The following DPP10 variants were observed in gnomAD, a reference collection of about 807,000 sequenced individuals.
DPP10 encodes inactive dipeptidyl peptidase 10.
Under a neutral mutation model 120.9 loss-of-function variants are expected in DPP10, and 33 were observed. That is an observed-to-expected ratio of 0.27 (90% confidence interval 0.21 to 0.37). The LOEUF (loss-of-function observed/expected upper bound fraction) is 0.37, where lower values mean the gene tolerates loss of function less well. Ranked by LOEUF, DPP10 falls within the 10% of genes least tolerant of loss-of-function variation. The probability of loss-of-function intolerance (pLI) is 1.00; values close to 1 mark genes in which losing one functional copy is unlikely to be tolerated. For missense variants in DPP10, 816 were observed against 942.8 expected, an observed-to-expected ratio of 0.87 and a Z score of 1.76; for synonymous variants, 337 against 326.1, an observed-to-expected ratio of 1.03 and a Z score of -0.36.
intron 1 of DPP10, among the ~76,000 whole-genome samples, chr2:115,192,484 C>T (rs976234628): frequency 2.0e-5 from 3 of 152,162 alleles, no homozygotes; most frequent in African/African-American, 7.2e-5. Context: ...CCAGTGGGTC[C>T]CTTGATGCAG....
intron 1 of DPP10, among the ~76,000 whole-genome samples, chr2:114,942,361 A>G (rs1697011323): frequency 8.6e-6 from 1 of 116,450 alleles, no homozygotes; most frequent in African/African-American, 3.6e-5. Flanking sequence ...ATATATATAT[A>G]CATATATATA....
chr2:114,998,362 A>G (rs1476211630), intron 1 of DPP10, among the ~76,000 whole-genome samples: 1 of 152,224 alleles, frequency 6.6e-6, no homozygotes, highest in East Asian at 1.9e-4. Context: ...TATTGCTTCA[A>G]ACTCTTAGAT....
intron 3 of DPP10, among the ~76,000 whole-genome samples, chr2:115,488,965 G>T (rs2075937264): frequency 6.6e-6 from 1 of 151,722 alleles, no homozygotes; most frequent in Admixed American, 6.6e-5. Flanking sequence ...ACCTTTTAGA[G>T]TGTATGGCTA....
At chr2:115,401,906 A>T (rs1291731946) in intron 3 of DPP10, among the ~76,000 whole-genome samples, 2 of 152,118 alleles carry the variant, frequency 1.3e-5, no homozygotes, top group Non-Finnish European at 2.9e-5. Flanking sequence ...GAAAAAAAAA[A>T]ATTCAAAACA....
rs183103620 is a variant in DPP10, at chr2:115,418,213, T to G, written c.271+74301T>G. Among the ~76,000 whole-genome samples, 260 of 152,292 alleles carry G rather than the reference T, an allele frequency of 1.7e-3. 1 individual carries two copies. The highest frequency in any genetic ancestry group is 5.5e-3 in the African/African-American group (230 of 41,576). The stretch of plus-strand genomic sequence containing the variant: ...CTCATTTTTTGATTGTCATTGTTTT[T>G]GGTCTGGCCAGCTAAAAAGGAGAAT... On this transcript the variant is annotated intron_variant, in intron 3 of 25. Coordinates refer to ENST00000410059, the MANE Select transcript of DPP10 (RefSeq NM_020868.6).
chr2:114,462,602 A>T (rs1679020483), intron 1 of DPP10, among the ~76,000 whole-genome samples: 1 of 152,214 alleles, frequency 6.6e-6, no homozygotes. Context: ...TTCATATCCT[A>T]ACAAGGGTCT....
intron 1 of DPP10, among the ~76,000 whole-genome samples, chr2:115,227,071 C>G (rs1326286124): frequency 6.6e-6 from 1 of 152,040 alleles, no homozygotes; most frequent in Non-Finnish European, 1.5e-5. Context: ...TTCTCTTAGG[C>G]TAAAAATAAA....
intron 3 of DPP10, among the ~76,000 whole-genome samples, chr2:115,458,045 G>T (rs1171047984): frequency 1.3e-5 from 2 of 152,132 alleles, no homozygotes; most frequent in African/African-American, 4.8e-5. Context: ...ATTAAAAGAA[G>T]CATATGTACT....
chr2:115,334,230 G>GTTTTT lies in DPP10; in HGVS notation c.176-9575_176-9571dup. 9.1e-3 allele frequency among the ~76,000 whole-genome samples: 516 copies of GTTTTT among 56,410 alleles called. 129 individuals carry two copies. The highest frequency in any genetic ancestry group is 0.036 in the Middle Eastern group (3 of 84). The allele number at this position is 56,410 out of a possible 152,430, so 37.0% of individuals were successfully genotyped here. A position where few individuals can be genotyped will look rare whatever the true frequency, so the allele number is the denominator to read the frequency against. On this transcript the variant is annotated intron_variant, in intron 2 of 25. Coordinates refer to ENST00000410059, the MANE Select transcript of DPP10 (RefSeq NM_020868.6). ...TCAGGAATGGACCAGAGCAGACTCT[G>GTTTTT]TTTTTTTTTTTTTTTTAAGAAACCT... is the stretch of plus-strand genomic sequence containing the variant.
At chr2:115,401,101 A>G (rs2068041771) in intron 3 of DPP10, among the ~76,000 whole-genome samples, 1 of 152,238 alleles carries the variant, frequency 6.6e-6, no homozygotes, top group South Asian at 2.1e-4. Context: ...GGTCTCGCAT[A>G]TCACTGGCTA....
At chr2:115,429,594 T>C (rs970251097) in intron 3 of DPP10, among the ~76,000 whole-genome samples, 9 of 152,208 alleles carry the variant, frequency 5.9e-5, no homozygotes, top group African/African-American at 1.9e-4. Flanking sequence ...TCCTCAGGAC[T>C]TTAAAAATCT....
At chr2:115,312,641 C>A (rs1045907846) in intron 2 of DPP10, among the ~76,000 whole-genome samples, 1 of 152,150 alleles carries the variant, frequency 6.6e-6, no homozygotes, top group Non-Finnish European at 1.5e-5. Flanking sequence ...TGCACCAAGC[C>A]TTTCTCTTCT....
intron 1 of DPP10, chr2:115,233,962 T>G (rs749950516): frequency 2.9e-5 from 15 of 518,224 alleles, no homozygotes; most frequent in South Asian, 1.7e-4. Context: ...AACTAAGAGA[T>G]AAATCAGCCT....
At chr2:115,632,576 A>T (rs887242229) in intron 5 of DPP10, among the ~76,000 whole-genome samples, 12 of 152,166 alleles carry the variant, frequency 7.9e-5, no homozygotes, top group African/African-American at 2.9e-4. Context: ...TCTGAAAAAG[A>T]TGTTATTTCT....
chr2:115,717,385 A>T (rs1389555110), intron 7 of DPP10, among the ~76,000 whole-genome samples: 1 of 151,952 alleles, frequency 6.6e-6, no homozygotes, highest in African/African-American at 2.4e-5. Context: ...ATAATAAAAA[A>T]TAAATAAAAA....
At chr2:114,940,394 A>G (rs1295044119) in intron 1 of DPP10, among the ~76,000 whole-genome samples, 1 of 152,124 alleles carries the variant, frequency 6.6e-6, no homozygotes, top group Non-Finnish European at 1.5e-5. Flanking sequence ...AACAGAGTGT[A>G]TCTGCTCTAG....
chr2:115,458,448 G>T (rs2105043573), intron 3 of DPP10, among the ~76,000 whole-genome samples: 1 of 152,052 alleles, frequency 6.6e-6, no homozygotes, highest in Admixed American at 6.5e-5. Flanking sequence ...AGACTTAAAA[G>T]AAAAAGACAT....
At chr2:115,390,903 C>A (rs1259987899) in intron 3 of DPP10, among the ~76,000 whole-genome samples, 4 of 152,234 alleles carry the variant, frequency 2.6e-5, no homozygotes, top group African/African-American at 9.6e-5. Flanking sequence ...CCATCCTCAC[C>A]GTCATCTTGT....
chr2:115,294,795 T>C (rs1447102258), intron 1 of DPP10, among the ~76,000 whole-genome samples: 1 of 152,010 alleles, frequency 6.6e-6, no homozygotes, highest in Non-Finnish European at 1.5e-5. Context: ...ACAAAATGAA[T>C]TGATGTTTCT....
Sources: gnomAD v4.1 joint callset for allele counts (sites outside exome capture counted in the v4.1 genomes callset) on GRCh38, gnomAD v4.1.1 for gene constraint, MANE v1.5 for transcripts, NCBI Gene and HGNC (gene_info 2026-07-23, HGNC 2026-07-21) for gene names.